KIAA1217: variants seen among roughly 807,000 people sequenced by gnomAD.
KIAA1217 encodes the protein KIAA1217.
KIAA1217 carries 88 observed loss-of-function variants against 163.9 expected under a neutral mutation model. The ratio of observed to expected loss-of-function variants is 0.54; its 90% CI spans 0.45 to 0.64. The LOEUF is 0.64. Among genes scored for constraint, KIAA1217 ranks in the 30% least tolerant of loss-of-function variants. The pLI, the probability that KIAA1217 is intolerant of heterozygous loss-of-function variation, is 0.00. For synonymous variants in KIAA1217, 903 were observed against 923.1 expected (o/e 0.98, Z 0.39); for missense variants, 2,372 against 2,475.0 (o/e 0.96, Z 0.88).
At chr10:23,741,418 T>C (rs1839107555) in intron 1 of KIAA1217, among the ~76,000 whole-genome samples, 1 of 152,192 alleles carries the variant, frequency 6.6e-6, no homozygotes, top group Non-Finnish European at 1.5e-5. Context: ...CTTTTGAAAT[T>C]GGCTATTTGC....
chr10:24,242,405 G>T (rs1421726024), intron 2 of KIAA1217, among the ~76,000 whole-genome samples: 1 of 152,186 alleles, frequency 6.6e-6, no homozygotes, highest in Non-Finnish European at 1.5e-5. Context: ...CTCCATCCAT[G>T]TTGCTGCCAA....
rs1489613458 is a variant in KIAA1217 at position 24,545,052 on chromosome 10, G to A, written c.5283G>A (p.Leu1761=). The A allele has an allele frequency of 1.9e-6, 3 of 1,614,152 alleles. No homozygotes were observed. The part of the protein sequence containing the change: ...PMSAKNRPGT[L]DKPGKQSKLQ... ...GTGCCAAGAACAGACCCGGAACCCT[G>A]GACAAACCCGGCAAGCAGTCCAAAC... is the stretch of plus-strand genomic sequence containing the variant. The change falls in exon 20 of 21, where the codon CTG becomes CTA. Residue 1761 remains leucine, a synonymous_variant. Coordinates refer to ENST00000376454, the MANE Select transcript of KIAA1217 (RefSeq NM_019590.5).
At chr10:24,508,183 G>T (rs2068615277) in intron 9 of KIAA1217, among the ~76,000 whole-genome samples, 1 of 152,004 alleles carries the variant, frequency 6.6e-6, no homozygotes, top group Non-Finnish European at 1.5e-5. Context: ...CATTATCCTG[G>T]GGTTTTATTC....
At chr10:24,075,606 C>CTT (rs1275191864) in intron 2 of KIAA1217, among the ~76,000 whole-genome samples, 14,557 of 137,966 alleles carry the variant, frequency 0.11, 1,211 homozygotes, top group African/African-American at 0.23. Context: ...AGCATTTTAT[C>CTT]TTTTTTTTTT....
chr10:24,522,221 G>A (rs1342730624), intron 12 of KIAA1217, among the ~76,000 whole-genome samples: 1 of 152,116 alleles, frequency 6.6e-6, no homozygotes, highest in Non-Finnish European at 1.5e-5. Flanking sequence ...CCACTCAGGA[G>A]GTACAGGCAG....
At chr10:24,375,825 C>G (rs1349744408) in intron 2 of KIAA1217, among the ~76,000 whole-genome samples, 7 of 152,144 alleles carry the variant, frequency 4.6e-5, no homozygotes, top group Non-Finnish European at 7.3e-5. Context: ...AAAGTGAATA[C>G]CTTGGCTAGC....
intron 1 of KIAA1217, among the ~76,000 whole-genome samples, chr10:23,768,998 A>C (rs980714108): frequency 1.3e-5 from 2 of 152,182 alleles, no homozygotes; most frequent in African/African-American, 4.8e-5. Context: ...TAACAAGTTC[A>C]CCTTGCCTGC....
At chr10:24,291,136 G>A (rs2079047680) in intron 2 of KIAA1217, among the ~76,000 whole-genome samples, 2 of 152,276 alleles carry the variant, frequency 1.3e-5, no homozygotes, top group South Asian at 4.1e-4. Flanking sequence ...GTTGTCTTGT[G>A]GACAACAAAG....
rs917665035 is a variant in KIAA1217, at chr10:24,342,497, C to T, written c.355-38372C>T. On this transcript the variant is annotated intron_variant, in intron 2 of 20. Transcript: ENST00000376454. ...TTATTCATTTTTTGTTAGATCCTTT[C>T]CTCAAATGGCATATGCATATCCCAG... Among the ~76,000 whole-genome samples the T allele has an allele frequency of 2.0e-5, 3 of 152,214 alleles. No individual in the cohort carries two copies. In the East Asian group the frequency reaches 5.8e-4, roughly 29 times the overall value.
intron 9 of KIAA1217, among the ~76,000 whole-genome samples, chr10:24,508,767 C>T (rs1364976640): frequency 6.6e-6 from 1 of 152,120 alleles, no homozygotes; most frequent in Non-Finnish European, 1.5e-5. Context: ...CTCAGAAAAA[C>T]ATATTCTGAA....
chr10:24,229,978 C>T (rs1281739451), intron 2 of KIAA1217, among the ~76,000 whole-genome samples: 8 of 151,676 alleles, frequency 5.3e-5, no homozygotes, highest in African/African-American at 1.2e-4. Context: ...TCCTCAAAAA[C>T]GTATAGAAAT....
In KIAA1217 at chr10:24,240,855, CTT is replaced by C. The variant is rs922432005; in HGVS notation, c.354+20956_354+20957del. Among the ~76,000 whole-genome samples the C allele has an allele frequency of 2.9e-3, 426 of 146,918 alleles. 1 individual carries two copies. The highest frequency in any genetic ancestry group is 9.6e-3 in the African/African-American group (382 of 39,724). On this transcript the variant is annotated intron_variant, in intron 2 of 20. Coordinates refer to ENST00000376454, the MANE Select transcript of KIAA1217 (RefSeq NM_019590.5). ...CTAGCAGTCAAGTAAGGCTAGTAGTCTTTTTTTTTTTAAAAAAAAAAGACAGG... is the reference window on the plus strand; with the variant it reads ...CTAGCAGTCAAGTAAGGCTAGTAGTCTTTTTTTTTAAAAAAAAAAGACAGG...
intron 5 of KIAA1217, among the ~76,000 whole-genome samples, chr10:24,465,805 G>C (rs547382303): frequency 6.6e-6 from 1 of 152,282 alleles, no homozygotes; most frequent in African/African-American, 2.4e-5. Flanking sequence ...AGCGGTTGTA[G>C]CCAGAGGTCT....
Position 24,257,392 on chromosome 10 carries a change from G to A in KIAA1217, c.354+37483G>A, listed in dbSNP as rs943423977. Among the ~76,000 whole-genome samples, 106 of 152,292 alleles carry A rather than the reference G, an allele frequency of 7.0e-4. 1 individual carries two copies. The highest frequency in any genetic ancestry group is 2.5e-3 in the African/African-American group (103 of 41,556). On this transcript the variant is annotated intron_variant, in intron 2 of 20. Transcript: ENST00000376454. ...CTCCAAATTCCCCTGAGGCCCACAC[G>A]TGTTCACCAGACATCTGTGGGGAGC... is the stretch of plus-strand genomic sequence containing the variant.
At chr10:24,408,873 G>T (rs11815385) in intron 3 of KIAA1217, among the ~76,000 whole-genome samples, 13,754 of 151,776 alleles carry the variant, frequency 0.091, 631 homozygotes, top group East Asian at 0.12. Flanking sequence ...TATAGTATAC[G>T]CTCATTCTTA....
intron 1 of KIAA1217, among the ~76,000 whole-genome samples, chr10:23,704,172 G>GTATATATA (rs35533445): frequency 0.013 from 500 of 39,872 alleles, 15 homozygotes; most frequent in African/African-American, 0.023. Context: ...GTGTGTGTGT[G>GTATATATA]TATATATATA....
intron 1 of KIAA1217, among the ~76,000 whole-genome samples, chr10:23,893,457 A>G (rs1841505820): frequency 6.6e-6 from 1 of 151,228 alleles, no homozygotes; most frequent in Non-Finnish European, 1.5e-5. Flanking sequence ...TGGATTCTTT[A>G]ATTTTTTGAA....
chr10:23,906,011 T>C (rs142278349), intron 1 of KIAA1217, among the ~76,000 whole-genome samples: 14 of 152,226 alleles, frequency 9.2e-5, no homozygotes, highest in African/African-American at 2.6e-4. Flanking sequence ...GGCCCCTGTC[T>C]CTGATTCCAC....
intron 2 of KIAA1217, among the ~76,000 whole-genome samples, chr10:24,047,213 A>G (rs1324204733): frequency 6.6e-6 from 1 of 152,198 alleles, no homozygotes; most frequent in Non-Finnish European, 1.5e-5. Context: ...GTATACACAC[A>G]CACAAACACA....
Sources: allele counts gnomAD v4.1 joint callset (sites outside exome capture counted in the v4.1 genomes callset), GRCh38; gene constraint gnomAD v4.1.1; transcripts MANE v1.5; gene names NCBI Gene and HGNC (gene_info 2026-07-23, HGNC 2026-07-21).